PDE11A: variants seen among roughly 807,000 people sequenced by gnomAD.
The protein encoded by PDE11A is dual 3',5'-cyclic-AMP and -GMP phosphodiesterase 11A.
In PDE11A, 100 loss-of-function variants were observed where a neutral mutation model predicts 100.5. The observed-to-expected ratio is 1.00, with a 90% CI of 0.85 to 1.18. The LOEUF (loss-of-function observed/expected upper bound fraction) is 1.18, where lower values mean the gene tolerates loss of function less well. Ranked by LOEUF, PDE11A falls within the 50% of genes most tolerant of loss-of-function variation. The pLI is 0.00. For synonymous variants in PDE11A, 381 were observed against 420.8 expected, an observed-to-expected ratio of 0.91 and a Z score of 1.16; for missense variants, 1,141 against 1,152.6, an observed-to-expected ratio of 0.99 and a Z score of 0.15.
chr2:177,967,337 C>T (rs2085712204), intron 2 of PDE11A, among the ~76,000 whole-genome samples: 1 of 151,006 alleles, frequency 6.6e-6, no homozygotes, highest in African/African-American at 2.4e-5. Context: ...GTTGGGATTA[C>T]AAGCATGTAC....
intron 2 of PDE11A, among the ~76,000 whole-genome samples, chr2:177,943,164 A>T (rs535582717): frequency 6.6e-6 from 1 of 152,310 alleles, no homozygotes; most frequent in South Asian, 2.1e-4. Context: ...GCTATTGTGA[A>T]TAATGCTGCC....
intron 1 of PDE11A, among the ~76,000 whole-genome samples, chr2:178,057,528 G>A (rs991980685): frequency 6.6e-5 from 10 of 152,170 alleles, no homozygotes; most frequent in African/African-American, 2.4e-4. Flanking sequence ...AAATCACTCT[G>A]CCTTGCCCAA....
rs1396200945 is a variant in PDE11A at position 177,880,957 on chromosome 2, C to T, written c.1303-5034G>A. Among the ~76,000 whole-genome samples, 3 of 152,126 alleles carry T rather than the reference C, an allele frequency of 2.0e-5. No individual in the cohort carries two copies. In the South Asian group the frequency reaches 6.2e-4, roughly 32 times the overall value. On this transcript the variant is annotated intron_variant, in intron 4 of 19. Coordinates refer to ENST00000286063, the MANE Select transcript of PDE11A (RefSeq NM_016953.4). The stretch of plus-strand genomic sequence containing the variant: ...GTCAACTTGACTGGGCTAAGGGGTG[C>T]CCAGATAGCTGGCAAAACATTATTT...
At chr2:177,680,802 A>G (rs773924030) in intron 16 of PDE11A, 24 bp downstream of exon 16, 2 of 1,306,712 alleles carry the variant, frequency 1.5e-6, no homozygotes, top group South Asian at 2.4e-5. Flanking sequence ...ATGAAGAAAC[A>G]CATAAACAAG....
In PDE11A at chr2:178,032,438, C is replaced by T. The variant is rs908683309; in HGVS notation, c.913-17978G>A. ...GGCAGAGGTTGCAGTGAACCAAGAT[C>T]GCATCACCGCACTCTAGCCTGGGCA... On this transcript the variant is annotated intron_variant, in intron 1 of 19. Coordinates refer to ENST00000286063, the MANE Select transcript of PDE11A (RefSeq NM_016953.4). 5.3e-5 allele frequency among the ~76,000 whole-genome samples: 8 copies of T among 150,912 alleles called. No individual in the cohort carries two copies. In the East Asian group the frequency reaches 7.9e-4, roughly 15 times the overall value.
chr2:177,859,225 A>G lies in PDE11A; in HGVS notation c.1367+16634T>C, dbSNP rs570462274. ...ACAAACCTGCATGTTGTGCACATGT[A>G]CCCTAAAAGTATAATAAAAAAATAA... On this transcript the variant is annotated intron_variant, in intron 5 of 19. Coordinates refer to ENST00000286063, the MANE Select transcript of PDE11A (RefSeq NM_016953.4). Among the ~76,000 whole-genome samples, 35 of 152,208 alleles carry G rather than the reference A, an allele frequency of 2.3e-4. 1 individual carries two copies. The highest frequency in any genetic ancestry group is 8.2e-4 in the African/African-American group (34 of 41,544).
At chr2:178,051,244 T>C (rs2105857404) in intron 1 of PDE11A, among the ~76,000 whole-genome samples, 1 of 152,260 alleles carries the variant, frequency 6.6e-6, no homozygotes, top group East Asian at 1.9e-4. Context: ...GAATTTCATA[T>C]CCAGCCAAAC....
intron 19 of PDE11A, among the ~76,000 whole-genome samples, chr2:177,659,376 GA>G (rs2080441895): frequency 6.6e-6 from 1 of 151,356 alleles, no homozygotes; most frequent in Non-Finnish European, 1.5e-5. Context: ...CATTTTAATA[GA>G]GAGGCACTAC....
chr2:177,632,966 CA>C (rs1293333665), intron 19 of PDE11A, among the ~76,000 whole-genome samples: 1 of 152,188 alleles, frequency 6.6e-6, no homozygotes, highest in Non-Finnish European at 1.5e-5. Context: ...AGAATTCTGA[CA>C]AATTAAAGTT....
At chr2:177,765,938 C>T (rs550697622) in intron 10 of PDE11A, among the ~76,000 whole-genome samples, 10 of 152,292 alleles carry the variant, frequency 6.6e-5, no homozygotes, top group South Asian at 6.2e-4. Context: ...GTCATATTTA[C>T]GTATGTAAAA....
intron 10 of PDE11A, among the ~76,000 whole-genome samples, chr2:177,739,985 G>A (rs1269411278): frequency 6.6e-6 from 1 of 152,138 alleles, no homozygotes; most frequent in Non-Finnish European, 1.5e-5. Context: ...ACTCTTGGCT[G>A]GATGGTGGTG....
At chr2:177,748,911 T>G (rs563848107) in intron 10 of PDE11A, among the ~76,000 whole-genome samples, 11 of 152,294 alleles carry the variant, frequency 7.2e-5, no homozygotes, top group African/African-American at 2.2e-4. Flanking sequence ...CACCTGCAGG[T>G]AGGTTATTTA....
intron 2 of PDE11A, among the ~76,000 whole-genome samples, chr2:177,940,607 T>C (rs2085334935): frequency 6.6e-6 from 1 of 152,226 alleles, no homozygotes; most frequent in African/African-American, 2.4e-5. Context: ...ACATATATTC[T>C]GGTAATTTTT....
chr2:177,817,923 C>A lies in PDE11A; in HGVS notation c.1579G>T (p.Val527Leu). Residue 527 changes from valine (V) to leucine (L), a missense_variant and splice_region_variant, in exon 8 of 20, where the codon GTG becomes TTG. Physicochemically the swap from Val to Leu is conservative, Grantham distance 32 (BLOSUM62 1). Transcript: ENST00000286063. ...TCAAGTCTGTTTAACACTTGAGCCA[C>A]TCCTATGGGGAAAGAGTGGATTATG... ...IWNSNHQIIGVAQVLNRLDGK... is the reference protein window; with the variant it reads ...IWNSNHQIIGLAQVLNRLDGK... The A allele has an allele frequency of 6.8e-7, 1 of 1,464,676 alleles. No homozygotes were observed. The highest frequency in any genetic ancestry group is 9.6e-7 in the Non-Finnish European group (1 of 1,045,818). 90.7% of individuals were successfully genotyped at this position (1,464,676 alleles called of 1,614,324 possible).
At chr2:177,925,630 C>T (rs1407229893) in intron 2 of PDE11A, among the ~76,000 whole-genome samples, 1 of 152,074 alleles carries the variant, frequency 6.6e-6, no homozygotes, top group Non-Finnish European at 1.5e-5. Context: ...TGGATATTAG[C>T]CCTTAGGCAC....
intron 1 of PDE11A, among the ~76,000 whole-genome samples, chr2:178,015,425 A>G (rs111473122): frequency 6.6e-4 from 100 of 151,676 alleles, no homozygotes; most frequent in African/African-American, 2.2e-3. Flanking sequence ...CATGAAAGAC[A>G]AAAAAAAAGT....
intron 15 of PDE11A, among the ~76,000 whole-genome samples, chr2:177,690,983 A>G (rs1410381425): frequency 6.6e-6 from 1 of 152,184 alleles, no homozygotes; most frequent in Non-Finnish European, 1.5e-5. Context: ...TCAGTATCAA[A>G]AAGTTATTTT....
rs1213194991 is a variant in PDE11A, at chr2:177,769,308, C to G, written c.1788+15G>C. ...TAACTGTATGCACTAATAAGGAAAC[C>G]ATTTTCTTCCTTACCTTAAACTTGT... On this transcript the variant is annotated intron_variant, in intron 10 of 19. Coordinates refer to ENST00000286063, the MANE Select transcript of PDE11A (RefSeq NM_016953.4). The G allele has an allele frequency of 6.6e-7, 1 of 1,525,510 alleles. No individual in the cohort carries two copies. The highest frequency in any genetic ancestry group is 1.7e-5 in the Admixed American group (1 of 59,906). 94.5% of individuals were successfully genotyped at this position (1,525,510 alleles called of 1,614,324 possible).
At chr2:177,848,595 C>A (rs2083642453) in intron 5 of PDE11A, among the ~76,000 whole-genome samples, 1 of 152,148 alleles carries the variant, frequency 6.6e-6, no homozygotes, top group Non-Finnish European at 1.5e-5. Flanking sequence ...AAACTGACTT[C>A]AAAGAGAGCT....
Sources: gnomAD v4.1 joint callset for allele counts (sites outside exome capture counted in the v4.1 genomes callset) on GRCh38, gnomAD v4.1.1 for gene constraint, MANE v1.5 for transcripts, NCBI Gene and HGNC (gene_info 2026-07-23, HGNC 2026-07-21) for gene names.